Variants in ADAMTS20 observed in about 807,000 individuals in gnomAD.
The protein encoded by ADAMTS20 is ADAM metallopeptidase with thrombospondin type 1 motif 20, also known as A disintegrin and metalloproteinase with thrombospondin motifs 20.
In ADAMTS20, 225 loss-of-function variants were observed where a neutral mutation model predicts 260.1. That is an observed-to-expected ratio of 0.87 (90% CI 0.78 to 0.97). ADAMTS20 has a LOEUF of 0.97. Among genes scored for constraint, ADAMTS20 ranks in the 50% least tolerant of loss-of-function variants. The pLI is 0.00. For synonymous variants in ADAMTS20, 802 were observed against 769.5 expected, an observed-to-expected ratio of 1.04 and a Z score of -0.70; for missense variants, 2,400 against 2,337.7, an observed-to-expected ratio of 1.03 and a Z score of -0.55.
At chr12:43,518,832 A>G (rs1943033638) in intron 3 of ADAMTS20, among the ~76,000 whole-genome samples, 1 of 151,796 alleles carries the variant, frequency 6.6e-6, no homozygotes, top group Non-Finnish European at 1.5e-5. Context: ...AAAAAAAAAA[A>G]AAAAGAATAA....
intron 2 of ADAMTS20, 75 bp from the exon 3 acceptor site, chr12:43,532,270 A>G: frequency 3.0e-6 from 4 of 1,348,542 alleles, no homozygotes; most frequent in Non-Finnish European, 4.0e-6. Context: ...ACCACAGGTT[A>G]AATGAGCAGA....
intron 2 of ADAMTS20, among the ~76,000 whole-genome samples, chr12:43,544,988 T>A (rs1241374278): frequency 1.3e-5 from 2 of 152,156 alleles, no homozygotes; most frequent in African/African-American, 4.8e-5. Flanking sequence ...CATGCTCGCC[T>A]CAATGCACCT....
chr12:43,399,550 C>T (rs1940769310), intron 28 of ADAMTS20, among the ~76,000 whole-genome samples: 1 of 152,176 alleles, frequency 6.6e-6, no homozygotes, highest in Non-Finnish European at 1.5e-5. Context: ...CTATCCTCAA[C>T]TAACTCCTTT....
intron 36 of ADAMTS20, among the ~76,000 whole-genome samples, chr12:43,370,244 T>C (rs1442046535): frequency 2.0e-5 from 3 of 152,206 alleles, no homozygotes; most frequent in Admixed American, 6.5e-5. Context: ...AAGCTCTCCA[T>C]GGTTTACCAG....
intron 28 of ADAMTS20, among the ~76,000 whole-genome samples, chr12:43,424,858 T>C (rs1335275263): frequency 6.6e-6 from 1 of 151,976 alleles, no homozygotes; most frequent in African/African-American, 2.4e-5. Context: ...TATGTTACAC[T>C]ACTTGAAATT....
chr12:43,468,738 T>C (rs556933074), intron 7 of ADAMTS20, 33 bp from the exon 8 acceptor site: 1 of 1,228,360 alleles, frequency 8.1e-7, no homozygotes, highest in Admixed American at 2.1e-5. Flanking sequence ...TTCATCAAAA[T>C]GGAAAACACT....
At chr12:43,415,986 C>T (rs1243973523) in intron 28 of ADAMTS20, among the ~76,000 whole-genome samples, 1 of 152,128 alleles carries the variant, frequency 6.6e-6, no homozygotes, top group Non-Finnish European at 1.5e-5. Context: ...TCCTCAAGTC[C>T]AAACTTCCCT....
chr12:43,536,934 G>A (rs1943303619), intron 2 of ADAMTS20, among the ~76,000 whole-genome samples: 1 of 152,192 alleles, frequency 6.6e-6, no homozygotes, highest in Non-Finnish European at 1.5e-5. Flanking sequence ...ATTGCAGGTA[G>A]TATGATAAAC....
intron 18 of ADAMTS20, 80 bp from the exon 19 acceptor site, chr12:43,434,451 T>C (rs1174026311): frequency 7.0e-7 from 1 of 1,432,268 alleles, no homozygotes; most frequent in African/African-American, 1.4e-5. Context: ...ATTCTGCTAA[T>C]AGCTTAAAGG....
intron 3 of ADAMTS20, among the ~76,000 whole-genome samples, chr12:43,525,068 G>T (rs917095653): frequency 5.6e-5 from 8 of 141,812 alleles, no homozygotes; most frequent in African/African-American, 1.9e-4. Context: ...CATCATCAGT[G>T]CATATAGTCA....
chr12:43,533,448 T>A (rs1943254072), intron 2 of ADAMTS20, among the ~76,000 whole-genome samples: 2 of 114,368 alleles, frequency 1.7e-5, no homozygotes, highest in Admixed American at 1.9e-4. Flanking sequence ...CAAGGAGAAC[T>A]ACAAACCACT....
chr12:43,491,055 A>G (rs1253697062), intron 6 of ADAMTS20, among the ~76,000 whole-genome samples: 1 of 152,150 alleles, frequency 6.6e-6, no homozygotes, highest in Non-Finnish European at 1.5e-5. Context: ...TTTTGAAAAG[A>G]GATTAAAGTA....
chr12:43,408,498 C>CA (rs1316988186), intron 28 of ADAMTS20, among the ~76,000 whole-genome samples: 1 of 152,142 alleles, frequency 6.6e-6, no homozygotes, highest in Non-Finnish European at 1.5e-5. Flanking sequence ...TGGGAGTTAA[C>CA]AGCCATAAAG....
At position 43,526,559 on chromosome 12, in the gene ADAMTS20, A is replaced by T. The variant is rs1472142914; in HGVS notation, c.613+5477T>A. Among the ~76,000 whole-genome samples the T allele has an allele frequency of 5.9e-5, 9 of 152,230 alleles. No homozygotes were observed. The East Asian group carries it at 1.3e-3, about 23-fold the overall frequency. On this transcript the variant is annotated intron_variant, in intron 3 of 38. Coordinates refer to ENST00000389420, the MANE Select transcript of ADAMTS20 (RefSeq NM_025003.5). ...ACCCCTAAACTACACAAATACATGG[A>T]AATTAAACAATCTGCTCCTGAATGA... is the stretch of plus-strand genomic sequence containing the variant.
chr12:43,506,351 T>C (rs1159642287), intron 3 of ADAMTS20, among the ~76,000 whole-genome samples: 2 of 151,578 alleles, frequency 1.3e-5, no homozygotes, highest in Non-Finnish European at 2.9e-5. Context: ...AAATGGGGAG[T>C]TGTGAATGTA....
chr12:43,451,976 A>G (rs537289000), intron 14 of ADAMTS20, among the ~76,000 whole-genome samples: 1 of 152,178 alleles, frequency 6.6e-6, no homozygotes, highest in South Asian at 2.1e-4. Flanking sequence ...CTTTTATCTT[A>G]TTATTTTCTA....
chr12:43,364,164 T>C (rs1302692823), intron 37 of ADAMTS20, among the ~76,000 whole-genome samples: 1 of 151,930 alleles, frequency 6.6e-6, no homozygotes, highest in African/African-American at 2.4e-5. Context: ...GAAATAGAAT[T>C]CACTGAAACA....
chr12:43,532,513 T>A (rs976017857), intron 2 of ADAMTS20, among the ~76,000 whole-genome samples: 2 of 151,130 alleles, frequency 1.3e-5, no homozygotes, highest in Non-Finnish European at 2.9e-5. Flanking sequence ...ATAAAGCCTG[T>A]GCTTTTGATC....
chr12:43,509,537 A>C (rs1338498892), intron 3 of ADAMTS20, among the ~76,000 whole-genome samples: 2 of 152,174 alleles, frequency 1.3e-5, no homozygotes, highest in Non-Finnish European at 2.9e-5. Flanking sequence ...AAGTGAGAAA[A>C]TTAAATCCAA....
Sources: allele counts gnomAD v4.1 joint callset (sites outside exome capture counted in the v4.1 genomes callset), GRCh38; gene constraint gnomAD v4.1.1; transcripts MANE v1.5; gene names NCBI Gene and HGNC (gene_info 2026-07-23, HGNC 2026-07-21).